The following NTAQ1 variants were observed in gnomAD, a reference collection of about 807,000 sequenced individuals.
The protein encoded by NTAQ1 is N-terminal glutamine amidase 1, also known as protein N-terminal glutamine amidohydrolase.
NTAQ1 carries 21 observed loss-of-function variants against 28.2 expected under a neutral mutation model. That is an observed-to-expected ratio of 0.74 (90% CI 0.53 to 1.07). The LOEUF (loss-of-function observed/expected upper bound fraction) is 1.07. Among genes scored for constraint, NTAQ1 ranks in the 50% least tolerant of loss-of-function variants. The pLI is 0.00. For synonymous variants in NTAQ1, 105 were observed against 90.0 expected, an observed-to-expected ratio of 1.17 and a Z score of -0.94; for missense variants, 264 against 256.6, an observed-to-expected ratio of 1.03 and a Z score of -0.20.
Position 123,441,503 on chromosome 8 carries a change from GTTGGCTTGGAATTATGTC to G in NTAQ1, c.*91_*108del. On this transcript the variant is annotated 3_prime_UTR_variant, in exon 6 of 6. Transcript: ENST00000287387. Reference sequence around the variant, plus strand: ...CGAGGACAGCAAACATTATGGTACAGTTGGCTTGGAATTATGTCTTTCTCTTTTAATTTGATTGAGTGG... The same window carrying G: ...CGAGGACAGCAAACATTATGGTACAGTTTCTCTTTTAATTTGATTGAGTGG... 1 of 1,025,096 alleles carries G rather than the reference GTTGGCTTGGAATTATGTC, an allele frequency of 9.8e-7. No homozygotes were observed. The highest frequency in any genetic ancestry group is 1.5e-6 in the Non-Finnish European group (1 of 674,802). 63.5% of individuals were successfully genotyped at this position (1,025,096 alleles called of 1,614,324 possible).
At chr8:123,469,058 T>G (rs1215644828) in exon 7 of NTAQ1, among the ~76,000 whole-genome samples, 5 of 152,226 alleles carry the variant, frequency 3.3e-5, no homozygotes, top group Non-Finnish European at 7.3e-5. Context: ...GCCCGTTTTT[T>G]AATTGGGTTA....
rs185454917 is a variant in NTAQ1 at position 123,453,590 on chromosome 8, G to A, written c.372+12241G>A. Among the ~76,000 whole-genome samples the A allele has an allele frequency of 3.3e-5, 5 of 152,118 alleles. No homozygotes were observed. The East Asian group carries it at 9.7e-4, about 29-fold the overall frequency. On this transcript the variant is annotated intron_variant, in intron 6 of 6. Coordinates refer to the NTAQ1 transcript ENST00000650311. ...ACTATAGACACCTGCCACCATGCCT[G>A]GCTAATTTTATATTTTTAGTAGAGA... is the stretch of plus-strand genomic sequence containing the variant.
At chr8:123,435,448 C>T (rs1052343150) in intron 3 of NTAQ1, 19 of 985,360 alleles carry the variant, frequency 1.9e-5, no homozygotes, top group Non-Finnish European at 2.3e-5. Flanking sequence ...CCAGGCTGAC[C>T]CCCAGAAGCC....
intron 1 of NTAQ1, among the ~76,000 whole-genome samples, chr8:123,421,280 A>G (rs952113781): frequency 6.6e-6 from 1 of 151,138 alleles, no homozygotes; most frequent in African/African-American, 2.4e-5. Flanking sequence ...GGGTTGTGCC[A>G]TGTTGCCCAG....
At chr8:123,416,738 G>C, upstream of NTAQ1, 1 of 1,085,130 alleles carries the variant, frequency 9.2e-7, no homozygotes, top group Non-Finnish European at 1.2e-6. Context: ...CTCCCCCCGG[G>C]CTCCGCCCAC....
At chr8:123,439,934 A>G (rs1814949372) in intron 5 of NTAQ1, among the ~76,000 whole-genome samples, 1 of 151,950 alleles carries the variant, frequency 6.6e-6, no homozygotes, top group South Asian at 2.1e-4. Context: ...AGCCTGGGTG[A>G]CAGAGGGAGA....
intron 3 of NTAQ1, among the ~76,000 whole-genome samples, chr8:123,430,511 C>T (rs1814332438): frequency 1.3e-5 from 2 of 152,144 alleles, no homozygotes; most frequent in African/African-American, 2.4e-5. Flanking sequence ...GGCGCAGTGG[C>T]TCATGCCTGT....
Position 123,436,538 on chromosome 8 carries a change from T to C in NTAQ1, c.320T>C (p.Leu107Pro), listed in dbSNP as rs747430028. The stretch of plus-strand genomic sequence containing the variant: ...GATACTGTCTTGCCATTTCCCTGCC[T>C]CTTTGACACTTATGTAGAAGATGCC... ...DLDTVLPFPC[L>P]FDTYVEDAFK... The change falls in exon 4 of 6, where the codon CTC becomes CCC. Residue 107 changes from leucine to proline, a missense_variant. Leu to Pro is a moderately conservative substitution (Grantham distance 98). Transcript: ENST00000287387. The C allele has an allele frequency of 6.2e-7, 1 of 1,614,052 alleles. No homozygotes were observed. The highest frequency in any genetic ancestry group is 8.5e-7 in the Non-Finnish European group (1 of 1,179,946).
At position 123,436,532 on chromosome 8, in the gene NTAQ1, C is replaced by T; in HGVS notation, c.314C>T (p.Pro105Leu). 1 of 1,614,016 alleles carries T rather than the reference C, an allele frequency of 6.2e-7. No homozygotes were observed. Among genetic ancestry groups the T allele is most frequent in the Non-Finnish European group, 8.5e-7 (1 of 1,179,970 alleles). Residue 105 changes from proline (P) to leucine (L), a missense_variant, in exon 4 of 6, where the codon CCC becomes CTC. By Grantham distance (98) the Pro-to-Leu change is moderately conservative. Transcript: ENST00000287387. ...IYDLDTVLPF[P>L]CLFDTYVEDA... ...GATCTCGATACTGTCTTGCCATTTC[C>T]CTGCCTCTTTGACACTTATGTAGAA...
downstream of NTAQ1, among the ~76,000 whole-genome samples, chr8:123,445,721 T>G (rs1292962442): frequency 5.3e-5 from 8 of 152,300 alleles, 1 homozygote; most frequent in South Asian, 1.7e-3. Context: ...TTCTCCTGCC[T>G]CAGCCTCCGC....
At chr8:123,418,982 T>TGG (rs1813489019) in intron 1 of NTAQ1, among the ~76,000 whole-genome samples, 1 of 151,886 alleles carries the variant, frequency 6.6e-6, no homozygotes, top group African/African-American at 2.4e-5. Flanking sequence ...CTGTAGGGGT[T>TGG]GGGGGGCAAA....
At chr8:123,451,011 C>T (rs1271787882), downstream of NTAQ1, among the ~76,000 whole-genome samples, 6 of 152,306 alleles carry the variant, frequency 3.9e-5, no homozygotes, top group South Asian at 8.3e-4. Flanking sequence ...GTCTGGATTA[C>T]GGCTGTCTCT....
chr8:123,441,540 T>G lies in NTAQ1; in HGVS notation c.*125T>G. 1.3e-6 allele frequency: 1 copy of G among 782,568 alleles called. No individual in the cohort carries two copies. The highest frequency in any genetic ancestry group is 2.1e-6 in the Non-Finnish European group (1 of 478,910). 48.5% of individuals were successfully genotyped at this position (782,568 alleles called of 1,614,324 possible). A position where few individuals can be genotyped will look rare whatever the true frequency, so the allele number is the denominator to read the frequency against. ...TTATGTCTTTCTCTTTTAATTTGAT[T>G]GAGTGGAAATCTGAGTGAATACAAA... is the stretch of plus-strand genomic sequence containing the variant. On this transcript the variant is annotated 3_prime_UTR_variant, in exon 6 of 6. Transcript: ENST00000287387.
chr8:123,462,853 A>T (rs1308284235), intron 6 of NTAQ1, among the ~76,000 whole-genome samples: 1 of 152,218 alleles, frequency 6.6e-6, no homozygotes, highest in African/African-American at 2.4e-5. Flanking sequence ...AAACTGGGGA[A>T]CAGGAACTAC....
At chr8:123,466,371 G>A (rs1815961560) in intron 6 of NTAQ1, among the ~76,000 whole-genome samples, 1 of 152,154 alleles carries the variant, frequency 6.6e-6, no homozygotes, top group Non-Finnish European at 1.5e-5. Context: ...GAGTGGAGGA[G>A]GATTATGGCG....
chr8:123,417,061 G>C, intron 1 of NTAQ1, 129 bp downstream of exon 1: 9 of 920,898 alleles, frequency 9.8e-6, no homozygotes, highest in Non-Finnish European at 1.5e-6. Flanking sequence ...CTACAGTTTT[G>C]CGGGAGGAGG....
At chr8:123,457,427 C>T (rs1482623655) in intron 6 of NTAQ1, among the ~76,000 whole-genome samples, 1 of 152,000 alleles carries the variant, frequency 6.6e-6, no homozygotes, top group East Asian at 1.9e-4. Flanking sequence ...TTAGTTGGTG[C>T]AAAAGTAATT....
At chr8:123,456,925 C>T (rs890385759) in intron 6 of NTAQ1, among the ~76,000 whole-genome samples, 4 of 152,008 alleles carry the variant, frequency 2.6e-5, no homozygotes, top group African/African-American at 4.8e-5. Context: ...GGTGGATACA[C>T]GAGGAAACTC....
chr8:123,458,064 A>ATT (rs1374073891), intron 6 of NTAQ1, among the ~76,000 whole-genome samples: 7 of 145,826 alleles, frequency 4.8e-5, no homozygotes, highest in South Asian at 2.2e-4. Context: ...TTTAAAATAA[A>ATT]AAAAAAAAAC....
Sources: allele counts gnomAD v4.1 joint callset (sites outside exome capture counted in the v4.1 genomes callset), GRCh38; gene constraint gnomAD v4.1.1; transcripts MANE v1.5; gene names NCBI Gene and HGNC (gene_info 2026-07-23, HGNC 2026-07-21).